Variants in GREB1L observed in about 807,000 individuals in gnomAD.
GREB1L encodes GREB1 like retinoic acid receptor coactivator.
In GREB1L, 17 loss-of-function variants were observed where a neutral mutation model predicts 200.8. That is an observed-to-expected ratio of 0.08 (90% CI 0.06 to 0.13). The LOEUF (loss-of-function observed/expected upper bound fraction) is 0.13. GREB1L is among the 10% of genes least tolerant of loss of function. GREB1L has a pLI of 1.00. For missense variants in GREB1L, 1,657 were observed against 2,367.7 expected (o/e 0.70, Z 6.23); for synonymous variants, 789 against 893.0 (o/e 0.88, Z 2.08).
intron 1 of GREB1L, among the ~76,000 whole-genome samples, chr18:21,274,112 G>T (rs2038123213): frequency 6.6e-6 from 1 of 152,062 alleles, no homozygotes; most frequent in African/African-American, 2.4e-5. Context: ...CAAGATCAAG[G>T]CACCAACAGA....
chr18:21,473,073 A>G lies in GREB1L; in HGVS notation c.2225A>G (p.His742Arg), dbSNP rs1331782342. The change falls in exon 16 of 33, where the codon CAT (histidine) becomes CGT (arginine). Residue 742 changes from histidine to arginine, a missense_variant. His to Arg is a conservative substitution (Grantham distance 29). Transcript: ENST00000424526. ...DLGLEENGTA[H>R]QRAEKYVVRL... ...GGTCTGGAGGAAAATGGGACAGCCC[A>G]TCAGAGAGCAGAAAAATATGTTGTT... The G allele has an allele frequency of 5.8e-6, 9 of 1,549,878 alleles. No homozygotes were observed. Among genetic ancestry groups the G allele is most frequent in the African/African-American group, 1.4e-5 (1 of 72,978 alleles).
intron 1 of GREB1L, among the ~76,000 whole-genome samples, chr18:21,357,940 T>A (rs1177836749): frequency 2.6e-5 from 4 of 152,212 alleles, no homozygotes; most frequent in Non-Finnish European, 5.9e-5. Context: ...CTTTGGCTAT[T>A]TGGGGTCTTT....
intron 1 of GREB1L, among the ~76,000 whole-genome samples, chr18:21,363,182 C>A (rs554122773): frequency 6.6e-6 from 1 of 151,508 alleles, no homozygotes; most frequent in African/African-American, 2.4e-5. Flanking sequence ...GTATGGTAGA[C>A]TTAGATTTCC....
chr18:21,395,565 A>G lies in GREB1L; in HGVS notation c.532+4A>G. On this transcript the variant is annotated splice_donor_region_variant and intron_variant, in intron 5 of 32. Coordinates refer to ENST00000424526, the MANE Select transcript of GREB1L (RefSeq NM_001142966.3). ...CATGGAAAAAATGCACTTTTAGGTG[A>G]GTGTTTCATGCTTATAAAATTCCTT... 6.5e-7 allele frequency: 1 copy of G among 1,544,258 alleles called. No homozygotes were observed.
In GREB1L at chr18:21,520,636, A is replaced by G; in HGVS notation, c.5473-52A>G. 4 of 1,543,644 alleles carry G rather than the reference A, an allele frequency of 2.6e-6. No homozygotes were observed. The South Asian group carries it at 4.8e-5, about 18-fold the overall frequency. On this transcript the variant is annotated intron_variant, in intron 31 of 32. Transcript: ENST00000424526. ...ACTGAGTCATTCTGCTGAACTGCAG[A>G]TATTTTGCTTGCTCTTGAAATGCCC...
Position 21,328,345 on chromosome 18 carries a change from C to G in GREB1L, c.-119-37682C>G, listed in dbSNP as rs1318240860. ...TGCATTGAATCGAGTGAAATAAAAG[C>G]AAGTACAGGATATGCTTTGTGTATC... On this transcript the variant is annotated intron_variant, in intron 1 of 32. Coordinates refer to ENST00000424526, the MANE Select transcript of GREB1L (RefSeq NM_001142966.3). Among the ~76,000 whole-genome samples the G allele has an allele frequency of 7.2e-5, 11 of 152,134 alleles. No individual in the cohort carries two copies. In the East Asian group the frequency reaches 2.1e-3, roughly 29 times the overall value.
intron 1 of GREB1L, among the ~76,000 whole-genome samples, chr18:21,268,522 TAC>T (rs773384876): frequency 0.014 from 919 of 65,068 alleles, 14 homozygotes; most frequent in South Asian, 0.025. Flanking sequence ...TATATATATA[TAC>T]ACACACACAC....
intron 1 of GREB1L, among the ~76,000 whole-genome samples, chr18:21,264,502 C>T (rs1043332833): frequency 7.2e-5 from 11 of 152,210 alleles, no homozygotes; most frequent in East Asian, 1.9e-4. Context: ...ATAGAATACT[C>T]GGATTTAGAG....
chr18:21,392,144 T>C (rs994902197), intron 4 of GREB1L, among the ~76,000 whole-genome samples: 5 of 152,222 alleles, frequency 3.3e-5, no homozygotes, highest in Admixed American at 3.3e-4. Context: ...CTGTTTGATA[T>C]TCATGCTGTA....
At chr18:21,315,076 G>GTATT (rs774097264) in intron 1 of GREB1L, among the ~76,000 whole-genome samples, 5 of 152,192 alleles carry the variant, frequency 3.3e-5, no homozygotes, top group Admixed American at 6.5e-5. Flanking sequence ...TTAGTTTAAG[G>GTATT]TATTTATTTA....
intron 1 of GREB1L, among the ~76,000 whole-genome samples, chr18:21,267,214 A>G (rs2037984535): frequency 2.1e-5 from 2 of 96,654 alleles, no homozygotes; most frequent in African/African-American, 8.4e-5. Flanking sequence ...TTTTTTTGAG[A>G]CGGAGCACCC....
intron 15 of GREB1L, among the ~76,000 whole-genome samples, chr18:21,461,096 C>CA (rs71178176): frequency 0.66 from 85,592 of 129,842 alleles, 31,441 homozygotes; most frequent in Non-Finnish European, 0.84. Context: ...GACTCCATCT[C>CA]AAAAAAAAAA....
Position 21,499,883 on chromosome 18 carries a change from G to A in GREB1L, c.3546G>A (p.Leu1182=). The A allele has an allele frequency of 1.9e-6, 3 of 1,550,442 alleles. No individual in the cohort carries two copies. In the African/African-American group the frequency reaches 4.1e-5, roughly 21 times the overall value. The change falls in exon 22 of 33, where the codon CTG becomes CTA. Residue 1182 remains leucine, a synonymous_variant. Transcript: ENST00000424526. ...CTGGAGCCGGAGCCGGGGAGACTCT[G>A]AAGCAGGAATGTGACTCCCTGGGCC... ...SSAGAGAGET[L]KQECDSLGPQ...
At chr18:21,276,813 G>A (rs2144363463) in intron 1 of GREB1L, among the ~76,000 whole-genome samples, 1 of 151,756 alleles carries the variant, frequency 6.6e-6, no homozygotes, top group Middle Eastern at 3.4e-3. Context: ...GAGGTGGGGA[G>A]AAAGAAGGAA....
intron 7 of GREB1L, among the ~76,000 whole-genome samples, chr18:21,428,470 T>G (rs1019612803): frequency 4.0e-5 from 6 of 150,574 alleles, no homozygotes; most frequent in African/African-American, 9.7e-5. Flanking sequence ...CGTGAAAGAA[T>G]GTTGGATTTT....
At chr18:21,347,852 C>G (rs186187994) in intron 1 of GREB1L, among the ~76,000 whole-genome samples, 30 of 150,128 alleles carry the variant, frequency 2.0e-4, no homozygotes, top group Non-Finnish European at 3.3e-4. Context: ...CTGCAATCCC[C>G]GCCTCCCAGG....
intron 1 of GREB1L, chr18:21,316,759 CTTTTTTTTTTT>C (rs1228861731): frequency 8.8e-6 from 1 of 113,106 alleles, no homozygotes; most frequent in Non-Finnish European, 1.8e-5. Flanking sequence ...ATGACTATGT[CTTTTTTTTTTT>C]TTTTTTTTTT....
At chr18:21,291,184 T>C (rs2038444337) in intron 1 of GREB1L, among the ~76,000 whole-genome samples, 1 of 152,158 alleles carries the variant, frequency 6.6e-6, no homozygotes, top group South Asian at 2.1e-4. Flanking sequence ...CTAGCTATAC[T>C]GAGGACCTGA....
intron 1 of GREB1L, among the ~76,000 whole-genome samples, chr18:21,290,824 C>CAA (rs752840997): frequency 0.15 from 9,273 of 62,926 alleles, 479 homozygotes; most frequent in Admixed American, 0.2. Flanking sequence ...GACTCTGTCT[C>CAA]AAAAAAAAAA....
Sources: gnomAD v4.1 joint callset for allele counts (sites outside exome capture counted in the v4.1 genomes callset) on GRCh38, gnomAD v4.1.1 for gene constraint, MANE v1.5 for transcripts, NCBI Gene and HGNC (gene_info 2026-07-23, HGNC 2026-07-21) for gene names.